Variants in ZNF560 observed in about 807,000 individuals in gnomAD.
The protein encoded by ZNF560 is zinc finger protein 560.
Under a neutral mutation model 81.8 loss-of-function variants are expected in ZNF560, and 54 were observed. The observed-to-expected ratio is 0.66, with a 90% CI of 0.53 to 0.83. The LOEUF (loss-of-function observed/expected upper bound fraction) is 0.83. ZNF560 is among the 40% of genes least tolerant of loss of function. The probability of loss-of-function intolerance (pLI) is 0.00; values close to 1 mark genes in which losing one functional copy is unlikely to be tolerated. For synonymous variants in ZNF560, 321 were observed against 317.9 expected (o/e 1.01, Z -0.10); for missense variants, 940 against 932.4 (o/e 1.01, Z -0.11).
intron 2 of ZNF560, among the ~76,000 whole-genome samples, chr19:9,492,622 A>C (rs1178827769): frequency 1.3e-5 from 2 of 152,238 alleles, no homozygotes; most frequent in Non-Finnish European, 2.9e-5. Context: ...ACTCAGAAGC[A>C]GCTAGTCTAA....
At chr19:9,479,440 A>G (rs7249201) in intron 2 of ZNF560, among the ~76,000 whole-genome samples, 22,876 of 152,120 alleles carry the variant, frequency 0.15, 2,578 homozygotes, top group African/African-American at 0.31. Context: ...AAGACAGCTA[A>G]GTTAAGTATT....
In ZNF560 at chr19:9,467,570, T is replaced by C. The variant is rs370461814; in HGVS notation, c.1377A>G (p.Pro459=). ...GHLRVHNGEK[P]YEHKEYGKAF... is the part of the protein sequence containing the mutation. ...CCTTCCCATATTCCTTATGCTCATA[T>C]GGCTTCTCTCCATTATGAACTCTCA... Residue 459 remains proline, a synonymous_variant, in exon 10 of 10, where the codon CCA becomes CCG. Transcript: ENST00000301480. The C allele has an allele frequency of 9.9e-6, 16 of 1,614,036 alleles. 1 individual carries two copies. The East Asian group carries it at 3.1e-4, about 31-fold the overall frequency.
chr19:9,505,952 C>T, the ZNF560 span, among the ~76,000 whole-genome samples: 1 of 151,786 alleles, frequency 6.6e-6, no homozygotes, highest in African/African-American at 2.4e-5. Context: ...GTGTTAGCCA[C>T]CACACCAGGC....
chr19:9,504,546 A>G, the ZNF560 span, among the ~76,000 whole-genome samples: 2 of 152,222 alleles, frequency 1.3e-5, no homozygotes, highest in South Asian at 4.1e-4. Flanking sequence ...TGTTCTCATG[A>G]TATCAGATGG....
intron 2 of ZNF560, among the ~76,000 whole-genome samples, chr19:9,480,413 G>A (rs1019560752): frequency 5.9e-5 from 9 of 152,038 alleles, no homozygotes; most frequent in African/African-American, 2.2e-4. Context: ...AAAGAGGGCA[G>A]TTAATAGCAA....
At chr19:9,469,518 C>A (rs2073089024) in intron 8 of ZNF560, 112 bp downstream of exon 8, 2 of 935,124 alleles carry the variant, frequency 2.1e-6, no homozygotes, top group Non-Finnish European at 3.4e-6. Context: ...CCAAAACATC[C>A]AAGTCCAGTG....
At chr19:9,485,649 G>T (rs536487919) in intron 2 of ZNF560, among the ~76,000 whole-genome samples, 1 of 151,088 alleles carries the variant, frequency 6.6e-6, no homozygotes, top group Non-Finnish European at 1.5e-5. Context: ...GGGTTCAATT[G>T]ATTCTCATGC....
chr19:9,459,493 G>T, the ZNF560 span, among the ~76,000 whole-genome samples: 2 of 152,184 alleles, frequency 1.3e-5, no homozygotes, highest in Non-Finnish European at 2.9e-5. Context: ...CTATGTTGGG[G>T]TGATCAGACT....
intron 5 of ZNF560, among the ~76,000 whole-genome samples, chr19:9,472,838 A>G (rs181065381): frequency 2.2e-3 from 328 of 152,320 alleles, no homozygotes; most frequent in Middle Eastern, 0.017. Flanking sequence ...ATTGTCTTCC[A>G]TGAAACTGGT....
chr19:9,473,331 AGCACTTTGGGAGGCTG>A, intron 4 of ZNF560, 72 bp from the exon 5 acceptor site: 1 of 1,204,474 alleles, frequency 8.3e-7, no homozygotes, highest in Non-Finnish European at 1.2e-6. Flanking sequence ...CTGTAATCCC[AGCACTTTGGGAGGCTG>A]AAGTGGGTGG....
chr19:9,499,029 G>A (rs1187168084), upstream of ZNF560, among the ~76,000 whole-genome samples: 1 of 152,180 alleles, frequency 6.6e-6, no homozygotes, highest in Non-Finnish European at 1.5e-5. Flanking sequence ...TCCTGCATTC[G>A]ATCACGTCTT....
Position 9,475,286 on chromosome 19 carries a change from G to C in ZNF560, c.28C>G (p.Gln10Glu). MAYCLTNCY[Q>E]YSVTFEDTAV... The stretch of plus-strand genomic sequence containing the variant: ...GGAAGTATACATTTTCTGCATACCT[G>C]ATAACAATTTGTCAGGCAGTAAGCC... The change falls in exon 3 of 10, where the codon CAG (glutamine) becomes GAG (glutamate). Residue 10 changes from glutamine (Q) to glutamate (E), a missense_variant and splice_region_variant. By Grantham distance (29) the Gln-to-Glu change is conservative. Coordinates refer to ENST00000301480, the MANE Select transcript of ZNF560 (RefSeq NM_152476.3). 1 of 1,613,692 alleles carries C rather than the reference G, an allele frequency of 6.2e-7. No homozygotes were observed.
At chr19:9,490,967 A>G (rs1436651595) in intron 2 of ZNF560, among the ~76,000 whole-genome samples, 2 of 152,216 alleles carry the variant, frequency 1.3e-5, no homozygotes, top group African/African-American at 4.8e-5. Context: ...TTTTGCTATT[A>G]CACAAAACAT....
At chr19:9,502,145 T>A (rs1042317508), upstream of ZNF560, among the ~76,000 whole-genome samples, 2 of 150,934 alleles carry the variant, frequency 1.3e-5, no homozygotes, top group Non-Finnish European at 2.9e-5. Context: ...CAGAGCAAGA[T>A]CTCATCTCAA....
intron 4 of ZNF560, among the ~76,000 whole-genome samples, chr19:9,473,618 G>T (rs1482988040): frequency 6.6e-6 from 1 of 151,904 alleles, no homozygotes; most frequent in Non-Finnish European, 1.5e-5. Flanking sequence ...TGCAAGAGAT[G>T]ATAAACTTTA....
Position 9,467,331 on chromosome 19 carries a change from G to C in ZNF560, c.1616C>G (p.Thr539Arg). 1 of 1,614,172 alleles carries C rather than the reference G, an allele frequency of 6.2e-7. No individual in the cohort carries two copies. Among genetic ancestry groups the C allele is most frequent in the Non-Finnish European group, 8.5e-7 (1 of 1,180,034 alleles). Residue 539 changes from threonine to arginine, a missense_variant, in exon 10 of 10, where the codon ACA (threonine) becomes AGA (arginine). Thr to Arg is a moderately conservative substitution (Grantham distance 71, BLOSUM62 -1). Coordinates refer to ENST00000301480, the MANE Select transcript of ZNF560 (RefSeq NM_152476.3). ...CTTACATTGATAGAGTCTCTCTTCT[G>C]TGTGAGTTCGCATGTGAATACGAAG... Reference protein sequence around the residue: ...ACLRIHMRTHTEERLYQCKKC... With the variant: ...ACLRIHMRTHREERLYQCKKC...
chr19:9,467,994 T>G lies in ZNF560; in HGVS notation c.953A>C (p.Lys318Thr). The G allele has an allele frequency of 1.9e-6, 3 of 1,614,150 alleles. No homozygotes were observed. Among genetic ancestry groups the G allele is most frequent in the South Asian group, 1.1e-5 (1 of 91,070 alleles). ...EAHRKTQSGE[K>T]LNEWKQCGEA... The stretch of plus-strand genomic sequence containing the variant: ...CCCACATTGCTTCCATTCATTGAGT[T>G]TTTCTCCACTCTGAGTTTTCCTGTG... Residue 318 changes from lysine (K) to threonine (T), a missense_variant, in exon 10 of 10, where the codon AAA becomes ACA. Lys to Thr is a moderately conservative substitution (Grantham distance 78). Coordinates refer to ENST00000301480, the MANE Select transcript of ZNF560 (RefSeq NM_152476.3).
At chr19:9,479,439 A>G (rs948160045) in intron 2 of ZNF560, among the ~76,000 whole-genome samples, 1 of 152,198 alleles carries the variant, frequency 6.6e-6, no homozygotes, top group African/African-American at 2.4e-5. Flanking sequence ...AAAGACAGCT[A>G]AGTTAAGTAT....
At chr19:9,451,341 A>G in the ZNF560 span, among the ~76,000 whole-genome samples, 2 of 152,208 alleles carry the variant, frequency 1.3e-5, no homozygotes, top group South Asian at 2.1e-4. Flanking sequence ...CATCTGATCT[A>G]CAAAGTAGAC....
Sources: allele counts gnomAD v4.1 joint callset (sites outside exome capture counted in the v4.1 genomes callset), GRCh38; gene constraint gnomAD v4.1.1; transcripts MANE v1.5; gene names NCBI Gene and HGNC (gene_info 2026-07-23, HGNC 2026-07-21).